The following ADAM32 variants were observed in gnomAD, a reference collection of about 807,000 sequenced individuals.
ADAM32 encodes disintegrin and metalloproteinase domain-containing protein 32.
ADAM32 carries 89 observed loss-of-function variants against 114.9 expected under a neutral mutation model. The observed-to-expected ratio is 0.77, with a 90% CI of 0.65 to 0.92. ADAM32 has a LOEUF of 0.92. ADAM32 is among the 40% of genes least tolerant of loss of function. The pLI is 0.00. For synonymous variants in ADAM32, 285 were observed against 307.5 expected (o/e 0.93, Z 0.77); for missense variants, 870 against 932.8 (o/e 0.93, Z 0.88).
At chr8:39,179,563 C>T (rs1398226859) in intron 10 of ADAM32, among the ~76,000 whole-genome samples, 1 of 152,180 alleles carries the variant, frequency 6.6e-6, no homozygotes, top group East Asian at 1.9e-4. Context: ...GCTTTGGACC[C>T]AAGGCCCTGG....
At chr8:39,279,398 C>T (rs1410879595) in intron 22 of ADAM32, among the ~76,000 whole-genome samples, 1 of 152,190 alleles carries the variant, frequency 6.6e-6, no homozygotes, top group African/African-American at 2.4e-5. Flanking sequence ...AATTCTCTGC[C>T]TCAGCCTACC....
At chr8:39,197,382 T>C (rs1399813413) in intron 11 of ADAM32, among the ~76,000 whole-genome samples, 3 of 152,076 alleles carry the variant, frequency 2.0e-5, no homozygotes, top group Non-Finnish European at 4.4e-5. Context: ...TTTGGTTTTT[T>C]CTTGCTTTTC....
At chr8:39,250,877 T>C (rs1385345371) in intron 17 of ADAM32, among the ~76,000 whole-genome samples, 1 of 152,006 alleles carries the variant, frequency 6.6e-6, no homozygotes, top group Non-Finnish European at 1.5e-5. Flanking sequence ...ACTCTGCATC[T>C]TCATGAATCC....
intron 10 of ADAM32, among the ~76,000 whole-genome samples, chr8:39,177,478 C>T (rs1805600784): frequency 6.6e-6 from 1 of 152,080 alleles, no homozygotes; most frequent in Non-Finnish European, 1.5e-5. Flanking sequence ...TTAATTTGGG[C>T]ATTTAGCCTA....
Position 39,284,814 on chromosome 8 carries a change from G to T in ADAM32, c.*15G>T. 1.9e-6 allele frequency: 3 copies of T among 1,613,666 alleles called. No homozygotes were observed. The highest frequency in any genetic ancestry group is 2.5e-6 in the Non-Finnish European group (3 of 1,179,672). The stretch of plus-strand genomic sequence containing the variant: ...ACAGTAACTAGTGATTCCTTCAGAA[G>T]GCAACGGATAACATCGAGAGTCTCG... On this transcript the variant is annotated 3_prime_UTR_variant, in exon 25 of 25. Transcript: ENST00000379907.
At chr8:39,197,734 A>C (rs963659426) in intron 11 of ADAM32, among the ~76,000 whole-genome samples, 4 of 152,194 alleles carry the variant, frequency 2.6e-5, no homozygotes, top group African/African-American at 9.6e-5. Flanking sequence ...GTGGCCTAAC[A>C]TGTGGACTAT....
chr8:39,138,776 T>TA (rs1802962952), intron 3 of ADAM32, among the ~76,000 whole-genome samples: 1 of 152,192 alleles, frequency 6.6e-6, no homozygotes, highest in South Asian at 2.1e-4. Flanking sequence ...TTGAACTAAT[T>TA]TACACACCCA....
chr8:39,135,112 G>A (rs999475935), intron 2 of ADAM32, among the ~76,000 whole-genome samples: 12 of 152,278 alleles, frequency 7.9e-5, no homozygotes, highest in African/African-American at 2.6e-4. Context: ...CTGAGATGGC[G>A]CCACTGCACT....
In ADAM32 at chr8:39,276,614, T is replaced by C. The variant is rs557310508; in HGVS notation, c.2279+748T>C. ...AATCCACAGGACAAACTCTCTAAGC[T>C]GCACAACAAGGTTGTATGATTTCTT... is the stretch of plus-strand genomic sequence containing the variant. On this transcript the variant is annotated intron_variant, in intron 22 of 24. Coordinates refer to ENST00000379907, the MANE Select transcript of ADAM32 (RefSeq NM_145004.7). Among the ~76,000 whole-genome samples, 9 of 152,346 alleles carry C rather than the reference T, an allele frequency of 5.9e-5. No individual in the cohort carries two copies. The South Asian group carries it at 1.9e-3, about 32-fold the overall frequency.
chr8:39,254,423 T>A lies in ADAM32; in HGVS notation c.1912T>A (p.Ser638Thr). Reference protein sequence around the residue: ...QQCSGHGVCDSRNKCHCSPGY... With the variant: ...QQCSGHGVCDTRNKCHCSPGY... ...TTCAAAATGATCCTAGGTGTGTGAT[T>A]CCAGAAACAAGTGCCATTGTTCGCC... The change falls in exon 18 of 25, where the codon TCC becomes ACC. Residue 638 changes from serine to threonine, a missense_variant. By Grantham distance (58) the Ser-to-Thr change is moderately conservative (BLOSUM62 1). Coordinates refer to ENST00000379907, the MANE Select transcript of ADAM32 (RefSeq NM_145004.7). 1 of 1,595,616 alleles carries A rather than the reference T, an allele frequency of 6.3e-7. No homozygotes were observed. The highest frequency in any genetic ancestry group is 8.5e-7 in the Non-Finnish European group (1 of 1,169,980).
At chr8:39,261,454 T>C (rs1812023765) in intron 19 of ADAM32, among the ~76,000 whole-genome samples, 1 of 152,346 alleles carries the variant, frequency 6.6e-6, no homozygotes, top group South Asian at 2.1e-4. Context: ...TCTTTATCCA[T>C]TTGTTGTTGG....
At chr8:39,113,882 C>T (rs1041090939) in intron 1 of ADAM32, among the ~76,000 whole-genome samples, 6 of 152,138 alleles carry the variant, frequency 3.9e-5, no homozygotes, top group Admixed American at 2.0e-4. Context: ...CAGATGAAGG[C>T]ATTTGTCACC....
At chr8:39,254,815 C>G (rs59668254) in intron 18 of ADAM32, among the ~76,000 whole-genome samples, 21,412 of 151,664 alleles carry the variant, frequency 0.14, 1,664 homozygotes, top group Middle Eastern at 0.25. Flanking sequence ...AGCCATCACC[C>G]AAGCAGTGTA....
chr8:39,187,342 G>A (rs1386958186), intron 11 of ADAM32, among the ~76,000 whole-genome samples: 1 of 152,180 alleles, frequency 6.6e-6, no homozygotes, highest in African/African-American at 2.4e-5. Context: ...CGCTGTCTCG[G>A]CTCACTGCAA....
intron 1 of ADAM32, among the ~76,000 whole-genome samples, chr8:39,117,409 GA>G (rs1433459094): frequency 6.6e-6 from 1 of 151,628 alleles, no homozygotes; most frequent in Admixed American, 6.6e-5. Context: ...TTTATTGGGA[GA>G]AATGTCTCTG....
chr8:39,257,391 C>A, intron 19 of ADAM32, 48 bp downstream of exon 19: 1 of 1,599,564 alleles, frequency 6.3e-7, no homozygotes, highest in Non-Finnish European at 8.5e-7. Flanking sequence ...CCATTTGAAT[C>A]TAGTTATATG....
intron 14 of ADAM32, chr8:39,223,964 ATGG>A (rs889024364): frequency 3.3e-5 from 5 of 152,172 alleles, no homozygotes; most frequent in African/African-American, 1.2e-4. Context: ...GTTACTGCAA[ATGG>A]CAGGATTTTC....
chr8:39,191,345 T>C (rs900068369), intron 11 of ADAM32, among the ~76,000 whole-genome samples: 2 of 152,194 alleles, frequency 1.3e-5, no homozygotes, highest in African/African-American at 4.8e-5. Context: ...TCTACAATGG[T>C]TGAACTAATT....
At chr8:39,238,167 G>A (rs915773765) in intron 16 of ADAM32, among the ~76,000 whole-genome samples, 11 of 152,226 alleles carry the variant, frequency 7.2e-5, no homozygotes, top group African/African-American at 2.7e-4. Flanking sequence ...GACTCTCACA[G>A]AATCTACTTC....
Sources: allele counts gnomAD v4.1 joint callset (sites outside exome capture counted in the v4.1 genomes callset), GRCh38; gene constraint gnomAD v4.1.1; transcripts MANE v1.5; gene names NCBI Gene and HGNC (gene_info 2026-07-23, HGNC 2026-07-21).